Variants in PDE10A observed in about 807,000 individuals in gnomAD.
The protein encoded by PDE10A is phosphodiesterase 10A, also known as cAMP and cAMP-inhibited cGMP 3',5'-cyclic phosphodiesterase 10A.
A neutral mutation model predicts 97.7 loss-of-function variants in PDE10A; 39 were observed. The observed-to-expected ratio is 0.40, with a 90% CI of 0.31 to 0.52. The LOEUF (loss-of-function observed/expected upper bound fraction) is 0.52. Ranked by LOEUF, PDE10A falls within the 20% of genes least tolerant of loss-of-function variation. PDE10A has a pLI of 0.56. For synonymous variants in PDE10A, 371 were observed against 376.8 expected (o/e 0.98, Z 0.18); for missense variants, 731 against 1,047.8 (o/e 0.70, Z 4.17).
At chr6:165,885,311 G>C (rs955074) in intron 1 of PDE10A, among the ~76,000 whole-genome samples, 6,119 of 152,266 alleles carry the variant, frequency 0.04, 428 homozygotes, top group African/African-American at 0.14. Context: ...CAAAGGGGAA[G>C]TGGGCACCTT....
intron 1 of PDE10A, among the ~76,000 whole-genome samples, chr6:165,628,629 C>G (rs1788494529): frequency 6.6e-6 from 1 of 152,112 alleles, no homozygotes; most frequent in African/African-American, 2.4e-5. Context: ...CAGGCTTGAG[C>G]CACTGCACAT....
intron 1 of PDE10A, among the ~76,000 whole-genome samples, chr6:165,550,445 AC>A (rs1054280669): frequency 5.3e-5 from 8 of 152,318 alleles, no homozygotes; most frequent in Middle Eastern, 3.4e-3. Context: ...GGGGGAGAAT[AC>A]CACCATTTCA....
chr6:165,844,135 T>C (rs1780339529), intron 1 of PDE10A, among the ~76,000 whole-genome samples: 2 of 152,180 alleles, frequency 1.3e-5, no homozygotes, highest in Admixed American at 6.5e-5. Context: ...TGTGAGATTT[T>C]CTGAAACTAT....
At chr6:165,751,724 G>A (rs73030244) in intron 1 of PDE10A, among the ~76,000 whole-genome samples, 7,380 of 152,194 alleles carry the variant, frequency 0.048, 283 homozygotes, top group South Asian at 0.18. Flanking sequence ...TCCCAGCAGC[G>A]CTATGACAAT....
chr6:165,730,592 A>C (rs1258064101), intron 1 of PDE10A, among the ~76,000 whole-genome samples: 1 of 151,676 alleles, frequency 6.6e-6, no homozygotes, highest in African/African-American at 2.4e-5. Context: ...TCTCCACTAA[A>C]AATATAAAAA....
chr6:165,741,736 C>T (rs1262546523), intron 1 of PDE10A, among the ~76,000 whole-genome samples: 1 of 151,850 alleles, frequency 6.6e-6, no homozygotes, highest in Non-Finnish European at 1.5e-5. Flanking sequence ...ACTAGTGGCT[C>T]TTATTGAGAG....
rs1269728911 is a variant in PDE10A, at chr6:165,662,026, G to C, written c.786C>G (p.Leu262=). ...SFALAAAAAL[L]FGSDMEDGPS... Reference sequence around the variant, plus strand: ...GTCCATCTTCCATGTCGGAGCCGAAGAGCAGCGCGGCCGCGGCGGCGAGGG... The same window carrying C: ...GTCCATCTTCCATGTCGGAGCCGAACAGCAGCGCGGCCGCGGCGGCGAGGG... The change falls in exon 1 of 22, where the codon CTC becomes CTG. Residue 262 remains leucine (L), a synonymous_variant. Coordinates refer to ENST00000539869, the MANE Select transcript of PDE10A (RefSeq NM_001385079.1). 57 of 1,497,088 alleles carry C rather than the reference G, an allele frequency of 3.8e-5. No homozygotes were observed. Among genetic ancestry groups the C allele is most frequent in the Non-Finnish European group, 4.8e-5 (54 of 1,116,746 alleles). 92.7% of individuals were successfully genotyped at this position (1,497,088 alleles called of 1,614,324 possible). A position where few individuals can be genotyped will look rare whatever the true frequency, so the allele number is the denominator to read the frequency against.
intron 1 of PDE10A, among the ~76,000 whole-genome samples, chr6:165,557,883 A>G (rs1784336696): frequency 6.6e-6 from 1 of 152,220 alleles, no homozygotes; most frequent in Admixed American, 6.5e-5. Context: ...TGCAAGGTCG[A>G]TAAGGGTACA....
At chr6:165,341,527 C>T (rs550400164) in intron 19 of PDE10A, among the ~76,000 whole-genome samples, 1 of 152,152 alleles carries the variant, frequency 6.6e-6, no homozygotes, top group African/African-American at 2.4e-5. Flanking sequence ...ACAAACAGTG[C>T]AAGGTTTTTG....
intron 18 of PDE10A, among the ~76,000 whole-genome samples, chr6:165,349,649 C>T (rs374530315): frequency 4.6e-5 from 7 of 152,274 alleles, no homozygotes; most frequent in Middle Eastern, 3.4e-3. Context: ...CTCCAGGGCA[C>T]GTAAAAGACC....
chr6:165,875,746 T>TG (rs1554334719), intron 1 of PDE10A, among the ~76,000 whole-genome samples: 101 of 147,080 alleles, frequency 6.9e-4, no homozygotes, highest in Non-Finnish European at 1.2e-3. Flanking sequence ...TTTTTTTTTT[T>TG]TGTGTGTGTG....
intron 1 of PDE10A, among the ~76,000 whole-genome samples, chr6:165,670,385 A>G (rs1213888007): frequency 6.6e-6 from 1 of 152,244 alleles, no homozygotes. Flanking sequence ...CATAGTTACC[A>G]TTGAGCTGCT....
intron 1 of PDE10A, among the ~76,000 whole-genome samples, chr6:165,959,604 T>C (rs1293467307): frequency 6.6e-6 from 1 of 152,216 alleles, no homozygotes; most frequent in East Asian, 1.9e-4. Flanking sequence ...CCCTGGATAA[T>C]GTTCCATCCA....
intron 1 of PDE10A, among the ~76,000 whole-genome samples, chr6:165,852,686 G>A (rs116357200): frequency 2.0e-5 from 3 of 152,184 alleles, no homozygotes; most frequent in African/African-American, 4.8e-5. Flanking sequence ...ATGGTGAGAC[G>A]GCCTTGGTGG....
chr6:165,359,634 T>C (rs1401897637), intron 18 of PDE10A, among the ~76,000 whole-genome samples: 1 of 152,194 alleles, frequency 6.6e-6, no homozygotes, highest in Non-Finnish European at 1.5e-5. Flanking sequence ...TTCCAGTCCT[T>C]CCCTGCTAAT....
intron 2 of PDE10A, among the ~76,000 whole-genome samples, chr6:165,495,548 AT>A (rs913312487): frequency 3.4e-5 from 5 of 148,798 alleles, no homozygotes; most frequent in African/African-American, 1.0e-4. Context: ...ACACTCGAGT[AT>A]TTTTTTAAAT....
In PDE10A at chr6:165,587,047, A is replaced by G. The variant is rs116040415; in HGVS notation, c.866-43479T>C. On this transcript the variant is annotated intron_variant, in intron 1 of 21. Coordinates refer to ENST00000539869, the MANE Select transcript of PDE10A (RefSeq NM_001385079.1). ...CATGCTCTGGGGGATGTCACCAGCC[A>G]TCACAGAGGGTGACCAACTCTAAAG... is the stretch of plus-strand genomic sequence containing the variant. Among the ~76,000 whole-genome samples the G allele has an allele frequency of 8.6e-3, 1,310 of 152,280 alleles. 21 individuals are homozygous for G. Among genetic ancestry groups the G allele is most frequent in the African/African-American group, 0.03 (1,251 of 41,550 alleles).
rs867887 is a variant in PDE10A, at chr6:165,891,658, T to G, written c.-615+95871A>C. ...TCCAGGCTGCCGTAGGAGACTAGAATGAGGGATCTTGGTGGGAGTGCAGTG... is the reference window on the plus strand; with the variant it reads ...TCCAGGCTGCCGTAGGAGACTAGAAGGAGGGATCTTGGTGGGAGTGCAGTG... On this transcript the variant is annotated intron_variant, in intron 1 of 19. Coordinates refer to the PDE10A transcript ENST00000366882. Among the ~76,000 whole-genome samples, 4 of 151,812 alleles carry G rather than the reference T, an allele frequency of 2.6e-5. No individual in the cohort carries two copies. In the South Asian group the frequency reaches 8.3e-4, roughly 32 times the overall value.
intron 1 of PDE10A, among the ~76,000 whole-genome samples, chr6:165,735,279 T>C (rs1227047957): frequency 5.4e-5 from 8 of 147,900 alleles, no homozygotes. Context: ...AGTAGGTCAG[T>C]TGGTAGGTAA....
Sources: allele counts gnomAD v4.1 joint callset (sites outside exome capture counted in the v4.1 genomes callset), GRCh38; gene constraint gnomAD v4.1.1; transcripts MANE v1.5; gene names NCBI Gene and HGNC (gene_info 2026-07-23, HGNC 2026-07-21).